Variants in RNF34 observed in about 807,000 individuals in gnomAD.
RNF34 encodes ring finger protein 34.
RNF34 carries 12 observed loss-of-function variants against 37.9 expected under a neutral mutation model. The observed-to-expected ratio is 0.32, with a 90% CI of 0.20 to 0.51. The LOEUF (loss-of-function observed/expected upper bound fraction) is 0.51, where lower values mean the gene tolerates loss of function less well. Among genes scored for constraint, RNF34 ranks in the 20% least tolerant of loss-of-function variants. The pLI is 0.97. For missense variants in RNF34, 362 were observed against 472.7 expected (o/e 0.77, Z 2.17); for synonymous variants, 155 against 177.2 (o/e 0.87, Z 1.00).
Position 121,417,151 on chromosome 12 carries a change from TTCATGTAG to T in RNF34, c.226-352_226-345del, listed in dbSNP as rs1871650928. Among the ~76,000 whole-genome samples, 1 of 152,248 alleles carries T rather than the reference TTCATGTAG, an allele frequency of 6.6e-6. No homozygotes were observed. Among genetic ancestry groups the T allele is most frequent in the Non-Finnish European group, 1.5e-5 (1 of 68,044 alleles). On this transcript the variant is annotated intron_variant, in intron 2 of 5. Transcript: ENST00000361234. This position sits in a 1 kb window ranked among gnomAD's most constrained non-coding sequence, Gnocchi z 5.0. ...CCTGCTCTTTAAATGGAGGAAATTGTTCATGTAGGAAAAGACCAGGAAGTGTGATTCTG... is the reference window on the plus strand; with the variant it reads ...CCTGCTCTTTAAATGGAGGAAATTGTGAAAAGACCAGGAAGTGTGATTCTG...
Position 121,417,772 on chromosome 12 carries a change from A to ATTCTTCAAGGTCCCAGAC in RNF34, c.499_516dup (p.Arg168_Ser173dup), listed in dbSNP as rs781984773. The ATTCTTCAAGGTCCCAGAC allele has an allele frequency of 1.2e-6, 2 of 1,614,206 alleles. No individual in the cohort carries two copies. The highest frequency in any genetic ancestry group is 2.2e-5 in the South Asian group (2 of 91,080). On this transcript the variant is annotated inframe_insertion, in exon 3 of 6. Transcript: ENST00000361234. The surrounding 1 kb of genome is among the most constrained non-coding windows in gnomAD (Gnocchi z 5.0). Reference sequence around the variant, plus strand: ...GACGACATGGACACAAGCAGTCTGAATTCTTCAAGGTCCCAGACTTCTAGC... The same window carrying ATTCTTCAAGGTCCCAGAC: ...GACGACATGGACACAAGCAGTCTGAATTCTTCAAGGTCCCAGACTTCTTCAAGGTCCCAGACTTCTAGC...
At chr12:121,407,765 C>T (rs1870685688) in intron 1 of RNF34, among the ~76,000 whole-genome samples, 1 of 152,140 alleles carries the variant, frequency 6.6e-6, no homozygotes, top group Non-Finnish European at 1.5e-5. Context: ...ACTTAGGTCT[C>T]TAAAGCTTTT....
rs372744345 is a variant in RNF34 at position 121,400,681 on chromosome 12, T to C, written c.6+463T>C. Reference sequence around the variant, plus strand: ...GGGGGTGGTGAGGCTAGGGCCAGGCTAACGGGTTAAAGAACTCTCAGGGTG... The same window carrying C: ...GGGGGTGGTGAGGCTAGGGCCAGGCCAACGGGTTAAAGAACTCTCAGGGTG... On this transcript the variant is annotated intron_variant, in intron 1 of 5. Transcript: ENST00000361234. Among the ~76,000 whole-genome samples, 4 of 152,154 alleles carry C rather than the reference T, an allele frequency of 2.6e-5. No individual in the cohort carries two copies. The East Asian group carries it at 7.8e-4, about 30-fold the overall frequency.
chr12:121,416,516 G>T (rs1871588756), intron 2 of RNF34, 139 bp downstream of exon 2: 1 of 638,798 alleles, frequency 1.6e-6, no homozygotes, highest in East Asian at 2.8e-5. Flanking sequence ...TTTCCATCTA[G>T]AAAAATACTT....
At chr12:121,403,166 G>A (rs1402849008) in intron 1 of RNF34, among the ~76,000 whole-genome samples, 3 of 152,184 alleles carry the variant, frequency 2.0e-5, no homozygotes, top group Admixed American at 6.5e-5. Context: ...GGAGGCCGAG[G>A]CAGGCAGATC....
intron 1 of RNF34, among the ~76,000 whole-genome samples, chr12:121,401,353 T>G: frequency 5.0e-5 from 1 of 20,092 alleles, no homozygotes; most frequent in African/African-American, 1.9e-4. Context: ...GCTATAGGTA[T>G]CAAAAAAAAA....
chr12:121,420,264 C>T lies in RNF34; in HGVS notation c.656C>T (p.Ala219Val). 6.2e-7 allele frequency: 1 copy of T among 1,605,530 alleles called. No individual in the cohort carries two copies. Among genetic ancestry groups the T allele is most frequent in the African/African-American group, 1.3e-5 (1 of 74,598 alleles). ...PAQVQSEITS[A>V]NTEDDDDDDD... ...TAGGTACAAAGTGAAATCACTTCAG[C>T]AAACACAGAAGATGATGATGACGAC... Residue 219 changes from alanine (A) to valine (V), a missense_variant, in exon 4 of 6, where the codon GCA becomes GTA. Ala to Val is a moderately conservative substitution (Grantham distance 64, BLOSUM62 0). Transcript: ENST00000361234.
intron 1 of RNF34, among the ~76,000 whole-genome samples, chr12:121,411,350 C>T (rs1348871635): frequency 6.6e-6 from 1 of 151,446 alleles, no homozygotes; most frequent in African/African-American, 2.4e-5. Context: ...ACAAAATTGT[C>T]CCCCTCCAAA....
chr12:121,405,696 C>T (rs1219257139), intron 1 of RNF34, among the ~76,000 whole-genome samples: 1 of 151,798 alleles, frequency 6.6e-6, no homozygotes, highest in Non-Finnish European at 1.5e-5. Context: ...GTTGACCAGG[C>T]TGGTCTGGAA....
chr12:121,401,000 C>T (rs1405993142), intron 1 of RNF34, among the ~76,000 whole-genome samples: 1 of 152,114 alleles, frequency 6.6e-6, no homozygotes, highest in Admixed American at 6.6e-5. Flanking sequence ...ATTTGCCGAA[C>T]TCAAACCAAG....
rs916845526 is a variant in RNF34, at chr12:121,417,620, G to T, written c.342G>T (p.Gln114His). The T allele has an allele frequency of 5.1e-5, 83 of 1,614,088 alleles. 1 individual carries two copies. The highest frequency in any genetic ancestry group is 1.6e-4 in the Middle Eastern group (1 of 6,084). The change falls in exon 3 of 6, where the codon CAG becomes CAT. Residue 114 changes from glutamine (Q) to histidine (H), a missense_variant. By Grantham distance (24) the Gln-to-His change is conservative. Transcript: ENST00000361234. The surrounding 1 kb of genome is among the most constrained non-coding windows in gnomAD (Gnocchi z 5.0). ...LLQETAFQRP[Q>H]LMRLKVKDLR... ...AAGAGACAGCATTTCAGCGCCCTCA[G>T]TTAATGCGACTGAAGGTGAAGGACC...
chr12:121,416,543 T>C (rs1012376082), intron 2 of RNF34, 166 bp downstream of exon 2: 5 of 587,812 alleles, frequency 8.5e-6, no homozygotes, highest in African/African-American at 1.9e-5. Flanking sequence ...AGGGATTATA[T>C]TACTGCTCAA....
chr12:121,417,983 G>GT lies in RNF34; in HGVS notation c.633+73dup. On this transcript the variant is annotated intron_variant, in intron 3 of 5. Coordinates refer to ENST00000361234, the MANE Select transcript of RNF34 (RefSeq NM_025126.4). The surrounding 1 kb of genome is among the most constrained non-coding windows in gnomAD (Gnocchi z 5.0). ...TTGGCCGTATATGGTGGGGCCTTTA[G>GT]TGCTTGATGACTTCTGATAAACTTC... The GT allele has an allele frequency of 3.4e-6, 5 of 1,454,646 alleles. No homozygotes were observed. The South Asian group carries it at 6.5e-5, about 19-fold the overall frequency. The allele number at this position is 1,454,646 out of a possible 1,614,324, so 90.1% of individuals were successfully genotyped here. A position where few individuals can be genotyped will look rare whatever the true frequency, so the allele number is the denominator to read the frequency against.
chr12:121,418,033 C>T (rs1555282602), intron 3 of RNF34, 122 bp downstream of exon 3: 12 of 1,038,296 alleles, frequency 1.2e-5, no homozygotes, highest in Non-Finnish European at 1.7e-5. Flanking sequence ...AGTGAAGCTT[C>T]CACACCCAGC....
intron 1 of RNF34, among the ~76,000 whole-genome samples, chr12:121,404,638 C>G (rs1397912444): frequency 6.6e-6 from 1 of 151,974 alleles, no homozygotes; most frequent in Admixed American, 6.6e-5. Flanking sequence ...TGATTCTGGC[C>G]TCCTAAAGTG....
chr12:121,423,367 G>A lies in RNF34; in HGVS notation c.929-19G>A. ...GGCCATGCCTGAAGCCGAGGCCTTA[G>A]CTCTCTGTTGCCTTTCAGATGGCGA... is the stretch of plus-strand genomic sequence containing the variant. On this transcript the variant is annotated intron_variant, in intron 5 of 5. Coordinates refer to ENST00000361234, the MANE Select transcript of RNF34 (RefSeq NM_025126.4). The surrounding 1 kb of genome is among the most constrained non-coding windows in gnomAD (Gnocchi z 4.3). 6.3e-7 allele frequency: 1 copy of A among 1,583,904 alleles called. No individual in the cohort carries two copies. The highest frequency in any genetic ancestry group is 8.6e-7 in the Non-Finnish European group (1 of 1,162,494).
intron 2 of RNF34, among the ~76,000 whole-genome samples, chr12:121,417,000 C>G (rs1871633146): frequency 6.6e-6 from 1 of 152,198 alleles, no homozygotes; most frequent in Admixed American, 6.5e-5. Flanking sequence ...AGTGGCAAGG[C>G]TTTGATTGTG....
intron 3 of RNF34, chr12:121,418,600 A>C (rs1555282699): frequency 6.6e-6 from 1 of 152,318 alleles, no homozygotes; most frequent in Non-Finnish European, 1.5e-5. Context: ...GTGAGCCTGC[A>C]GTCTGATACT....
At chr12:121,403,481 G>A (rs1391450946) in intron 1 of RNF34, among the ~76,000 whole-genome samples, 4 of 151,308 alleles carry the variant, frequency 2.6e-5, no homozygotes, top group African/African-American at 7.3e-5. Context: ...TTTTAGTTAT[G>A]TAGGAAAGTT....
Sources: allele counts gnomAD v4.1 joint callset (sites outside exome capture counted in the v4.1 genomes callset), GRCh38; gene constraint gnomAD v4.1.1; non-coding constraint Gnocchi (gnomAD v3.1); transcripts MANE v1.5; gene names NCBI Gene and HGNC (gene_info 2026-07-23, HGNC 2026-07-21).